The following CSMD1 variants were observed in gnomAD, a reference collection of about 807,000 sequenced individuals.
CSMD1 encodes CUB and Sushi multiple domains 1, also known as CUB and sushi domain-containing protein 1.
Under a neutral mutation model 417.5 loss-of-function variants are expected in CSMD1, and 213 were observed. The observed-to-expected ratio is 0.51, with a 90% CI of 0.46 to 0.57. CSMD1 has a LOEUF of 0.57. Among genes scored for constraint, CSMD1 ranks in the 20% least tolerant of loss-of-function variants. The pLI is 0.00. For missense variants in CSMD1, 6,923 were observed against 4,529.7 expected (o/e 1.53, Z -15.17); for synonymous variants, 2,862 against 1,736.8 (o/e 1.65, Z -16.11).
intron 8 of CSMD1, among the ~76,000 whole-genome samples, chr8:3,590,252 T>C (rs1295423154): frequency 3.9e-5 from 6 of 152,164 alleles, no homozygotes; most frequent in Non-Finnish European, 2.9e-5. Context: ...AGTATCACAA[T>C]ACAAATTTTT....
At chr8:3,971,671 G>T (rs138105915) in intron 5 of CSMD1, among the ~76,000 whole-genome samples, 1 of 152,050 alleles carries the variant, frequency 6.6e-6, no homozygotes, top group African/African-American at 2.4e-5. Flanking sequence ...GAACATGGGG[G>T]TACTCAGAGG....
chr8:3,160,324 T>C (rs78038441), intron 38 of CSMD1, among the ~76,000 whole-genome samples: 1,760 of 152,238 alleles, frequency 0.012, 40 homozygotes, highest in African/African-American at 0.039. Context: ...TGTCTCACTG[T>C]GTTGCCCAGG....
chr8:3,526,381 T>G (rs532786794), intron 10 of CSMD1, among the ~76,000 whole-genome samples: 219 of 152,270 alleles, frequency 1.4e-3, no homozygotes, highest in Non-Finnish European at 2.5e-3. Context: ...TAATAACGTC[T>G]TCTTCAATCC....
intron 3 of CSMD1, among the ~76,000 whole-genome samples, chr8:4,166,124 G>A (rs945070471): frequency 2.6e-5 from 4 of 152,136 alleles, no homozygotes; most frequent in African/African-American, 9.7e-5. Flanking sequence ...ACTGTCTGAT[G>A]CAAACATAAT....
chr8:4,097,249 C>T (rs1032320439), intron 3 of CSMD1, among the ~76,000 whole-genome samples: 2 of 152,066 alleles, frequency 1.3e-5, no homozygotes, highest in Non-Finnish European at 2.9e-5. Context: ...GTACAAAGAA[C>T]TGGAAATCAG....
intron 3 of CSMD1, among the ~76,000 whole-genome samples, chr8:4,144,579 G>T (rs900207199): frequency 2.7e-5 from 4 of 150,926 alleles, no homozygotes; most frequent in African/African-American, 9.9e-5. Flanking sequence ...GGATTGCTCA[G>T]CTACTGTTAA....
At chr8:4,333,623 G>C (rs746416112) in intron 3 of CSMD1, among the ~76,000 whole-genome samples, 1 of 152,122 alleles carries the variant, frequency 6.6e-6, no homozygotes. Context: ...TATATTTAAG[G>C]AGAGTGATCT....
At chr8:3,515,624 T>G (rs71521870) in intron 10 of CSMD1, among the ~76,000 whole-genome samples, 9,621 of 152,310 alleles carry the variant, frequency 0.063, 412 homozygotes, top group Non-Finnish European at 0.09. Flanking sequence ...GCACGTGTAC[T>G]TGGCAGGCCA....
intron 10 of CSMD1, among the ~76,000 whole-genome samples, chr8:3,558,960 C>A (rs929979234): frequency 6.6e-6 from 1 of 152,096 alleles, no homozygotes; most frequent in Non-Finnish European, 1.5e-5. Flanking sequence ...AGTATGACGG[C>A]AGAATTGGAA....
chr8:3,926,108 C>CACACACACACACACACACAAACACCAT (rs1809696925), intron 5 of CSMD1, among the ~76,000 whole-genome samples: 7 of 79,230 alleles, frequency 8.8e-5, no homozygotes, highest in East Asian at 8.6e-4. Context: ...CACACACACA[C>CACACACACACACACACACAAACACCAT]ACACACACAC....
intron 10 of CSMD1, among the ~76,000 whole-genome samples, chr8:3,531,714 A>G (rs1398265278): frequency 6.6e-6 from 1 of 152,200 alleles, no homozygotes; most frequent in Non-Finnish European, 1.5e-5. Flanking sequence ...TTCCCTTGTA[A>G]CACAAAAAAA....
At chr8:3,028,495 A>T (rs145625004) in intron 51 of CSMD1, among the ~76,000 whole-genome samples, 39 of 152,316 alleles carry the variant, frequency 2.6e-4, no homozygotes, top group African/African-American at 8.4e-4. Flanking sequence ...AGAAACGGGG[A>T]CCATGTTCAT....
In CSMD1 at chr8:3,333,576, G is replaced by A. The variant is rs532328273; in HGVS notation, c.3631+9718C>T. Among the ~76,000 whole-genome samples, 6 of 152,306 alleles carry A rather than the reference G, an allele frequency of 3.9e-5. No individual in the cohort carries two copies. In the East Asian group the frequency reaches 1.2e-3, roughly 29 times the overall value. On this transcript the variant is annotated intron_variant, in intron 23 of 69. Coordinates refer to ENST00000635120, the MANE Select transcript of CSMD1 (RefSeq NM_033225.6). ...CACAGATACTGCAATGCCAGGAGTA[G>A]ATATTAGAGCAGCATAATATGTTTG...
chr8:4,452,123 C>T (rs999908387), intron 2 of CSMD1, among the ~76,000 whole-genome samples: 1 of 152,134 alleles, frequency 6.6e-6, no homozygotes, highest in South Asian at 2.1e-4. Context: ...TTCCAGAGGT[C>T]TGTACAAACA....
intron 5 of CSMD1, among the ~76,000 whole-genome samples, chr8:3,812,262 A>G (rs1801130816): frequency 1.3e-5 from 2 of 152,176 alleles, no homozygotes; most frequent in African/African-American, 4.8e-5. Context: ...TAAATAAAAT[A>G]ATAATGCATT....
intron 11 of CSMD1, among the ~76,000 whole-genome samples, chr8:3,476,146 T>C (rs1019467343): frequency 5.3e-5 from 8 of 152,324 alleles, no homozygotes; most frequent in African/African-American, 1.9e-4. Flanking sequence ...AGTTCAAGAC[T>C]AGCCTGCGCA....
At chr8:2,939,742 G>GA (rs1327402661) in intron 69 of CSMD1, among the ~76,000 whole-genome samples, 1 of 152,234 alleles carries the variant, frequency 6.6e-6, no homozygotes, top group Non-Finnish European at 1.5e-5. Context: ...ATGGCTCTGA[G>GA]AAAAAGGCAG....
intron 1 of CSMD1, among the ~76,000 whole-genome samples, chr8:4,979,921 C>A (rs1001744055): frequency 6.6e-6 from 1 of 152,008 alleles, no homozygotes; most frequent in African/African-American, 2.4e-5. Flanking sequence ...GCCAGTACTC[C>A]CAGCTACTGG....
chr8:4,394,236 T>C (rs977850761), intron 3 of CSMD1, among the ~76,000 whole-genome samples: 3 of 152,218 alleles, frequency 2.0e-5, no homozygotes, highest in Non-Finnish European at 2.9e-5. Context: ...GTAATTATTT[T>C]ATTCTTTCAT....
Sources: allele counts gnomAD v4.1 joint callset (sites outside exome capture counted in the v4.1 genomes callset), GRCh38; gene constraint gnomAD v4.1.1; transcripts MANE v1.5; gene names NCBI Gene and HGNC (gene_info 2026-07-23, HGNC 2026-07-21).